Variants in GPR158 observed in about 807,000 individuals in gnomAD.
GPR158 encodes G protein-coupled receptor 158.
GPR158 carries 30 observed loss-of-function variants against 78.2 expected under a neutral mutation model. That is an observed-to-expected ratio of 0.38 (90% CI 0.29 to 0.52). GPR158 has a LOEUF of 0.52. GPR158 is among the 20% of genes least tolerant of loss of function. The pLI is 0.83. For synonymous variants in GPR158, 581 were observed against 591.1 expected, an observed-to-expected ratio of 0.98 and a Z score of 0.25; for missense variants, 1,463 against 1,523.5, an observed-to-expected ratio of 0.96 and a Z score of 0.66.
chr10:25,587,958 T>G (rs1028523860), intron 7 of GPR158, among the ~76,000 whole-genome samples: 4 of 151,500 alleles, frequency 2.6e-5, no homozygotes, highest in Non-Finnish European at 5.9e-5. Flanking sequence ...ATGAAATGTT[T>G]TCTCCAAATT....
chr10:25,395,471 A>T (rs1270980064), intron 2 of GPR158, among the ~76,000 whole-genome samples: 1 of 152,158 alleles, frequency 6.6e-6, no homozygotes, highest in Non-Finnish European at 1.5e-5. Context: ...CAATTTTCAC[A>T]TCTTAAATTT....
intron 2 of GPR158, among the ~76,000 whole-genome samples, chr10:25,352,242 G>T (rs1025866509): frequency 9.2e-5 from 14 of 152,016 alleles, no homozygotes; most frequent in Admixed American, 9.2e-4. Flanking sequence ...TAGTGATAAA[G>T]GTAAGCCCAT....
At chr10:25,382,994 C>T (rs1588837542) in intron 2 of GPR158, among the ~76,000 whole-genome samples, 1 of 151,928 alleles carries the variant, frequency 6.6e-6, no homozygotes, top group Admixed American at 6.6e-5. Context: ...TGCCACCACA[C>T]CCGGCTTATT....
intron 2 of GPR158, among the ~76,000 whole-genome samples, chr10:25,276,692 G>T (rs924546593): frequency 9.9e-5 from 15 of 152,202 alleles, no homozygotes; most frequent in Non-Finnish European, 2.1e-4. Flanking sequence ...CCTGAAAAAT[G>T]GTGCTCCTGG....
chr10:25,528,987 G>A (rs1836388482), intron 5 of GPR158, among the ~76,000 whole-genome samples: 1 of 152,150 alleles, frequency 6.6e-6, no homozygotes, highest in Non-Finnish European at 1.5e-5. Context: ...GACTTGTTAT[G>A]GAAGTTTCAA....
intron 2 of GPR158, among the ~76,000 whole-genome samples, chr10:25,390,969 G>A (rs574959586): frequency 4.6e-5 from 7 of 152,108 alleles, no homozygotes; most frequent in Admixed American, 3.3e-4. Flanking sequence ...TTGGTGCCCC[G>A]TGTGTCAGCT....
chr10:25,485,340 T>C (rs2130641152), intron 5 of GPR158, among the ~76,000 whole-genome samples: 1 of 151,914 alleles, frequency 6.6e-6, no homozygotes, highest in East Asian at 1.9e-4. Context: ...AAAGTAGATA[T>C]TTAAAGAAAA....
chr10:25,427,430 G>A (rs1199109567), intron 4 of GPR158, among the ~76,000 whole-genome samples: 1 of 152,114 alleles, frequency 6.6e-6, no homozygotes, highest in East Asian at 1.9e-4. Flanking sequence ...TGAGGGAAAT[G>A]CAGAGAATAT....
At chr10:25,384,728 C>T (rs779540691) in intron 2 of GPR158, among the ~76,000 whole-genome samples, 1 of 151,594 alleles carries the variant, frequency 6.6e-6, no homozygotes, top group African/African-American at 2.4e-5. Flanking sequence ...CTGTATGCAC[C>T]TCATCTTAGC....
At chr10:25,562,253 G>A (rs890387875) in intron 6 of GPR158, among the ~76,000 whole-genome samples, 12 of 151,876 alleles carry the variant, frequency 7.9e-5, no homozygotes, top group Admixed American at 5.2e-4. Context: ...AACCAACTTA[G>A]ATTGTTTTTA....
intron 2 of GPR158, among the ~76,000 whole-genome samples, chr10:25,390,320 G>A (rs771679281): frequency 6.6e-6 from 1 of 152,222 alleles, no homozygotes; most frequent in Non-Finnish European, 1.5e-5. Flanking sequence ...GAAGAAGACA[G>A]AAGGCTGTGG....
intron 2 of GPR158, among the ~76,000 whole-genome samples, chr10:25,395,649 T>C (rs1834354682): frequency 6.6e-6 from 1 of 152,156 alleles, no homozygotes; most frequent in Non-Finnish European, 1.5e-5. Flanking sequence ...CTATGTCTAG[T>C]AATTAACTCA....
chr10:25,325,941 G>C (rs1473228962), intron 2 of GPR158, among the ~76,000 whole-genome samples: 1 of 144,568 alleles, frequency 6.9e-6, no homozygotes, highest in East Asian at 2.0e-4. Flanking sequence ...CAGGTTCTTT[G>C]CCCATTTTCT....
At chr10:25,280,132 T>C (rs1165733801) in intron 2 of GPR158, among the ~76,000 whole-genome samples, 1 of 152,064 alleles carries the variant, frequency 6.6e-6, no homozygotes, top group Admixed American at 6.6e-5. Flanking sequence ...AAGAATTCAC[T>C]AATAAACAAC....
chr10:25,346,106 G>A (rs766972700), intron 2 of GPR158, among the ~76,000 whole-genome samples: 1 of 151,840 alleles, frequency 6.6e-6, no homozygotes, highest in Non-Finnish European at 1.5e-5. Context: ...TAGCAAGGCT[G>A]CTCTTATATA....
intron 1 of GPR158, among the ~76,000 whole-genome samples, chr10:25,216,136 A>G (rs1853209658): frequency 6.6e-6 from 1 of 152,162 alleles, no homozygotes; most frequent in African/African-American, 2.4e-5. Context: ...GCATAGATTT[A>G]GAGTTTTTAT....
intron 2 of GPR158, among the ~76,000 whole-genome samples, chr10:25,246,535 AT>A (rs2130714488): frequency 6.6e-6 from 1 of 152,318 alleles, no homozygotes; most frequent in South Asian, 2.1e-4. Context: ...GTTCAATTAA[AT>A]ATGTAAAAGC....
intron 3 of GPR158, among the ~76,000 whole-genome samples, chr10:25,396,683 T>C (rs1834366720): frequency 6.6e-6 from 1 of 152,196 alleles, no homozygotes; most frequent in African/African-American, 2.4e-5. Context: ...AATACAAGTC[T>C]ACTTGCTGTT....
chr10:25,249,612 A>G (rs1046391122), intron 2 of GPR158, among the ~76,000 whole-genome samples: 2 of 151,580 alleles, frequency 1.3e-5, no homozygotes, highest in African/African-American at 4.9e-5. Flanking sequence ...GCTGGATTAC[A>G]TTTATTGATT....
Sources: allele counts gnomAD v4.1 joint callset (sites outside exome capture counted in the v4.1 genomes callset), GRCh38; gene constraint gnomAD v4.1.1; transcripts MANE v1.5; gene names NCBI Gene and HGNC (gene_info 2026-07-23, HGNC 2026-07-21).